ZBTB37: variants seen among roughly 807,000 people sequenced by gnomAD.
ZBTB37 encodes zinc finger and BTB domain-containing protein 37.
In ZBTB37, 15 loss-of-function variants were observed where a neutral mutation model predicts 37.7. The observed-to-expected ratio is 0.40, with a 90% confidence interval of 0.27 to 0.61. ZBTB37 has a LOEUF of 0.61. Ranked by LOEUF, ZBTB37 falls within the 20% of genes least tolerant of loss-of-function variation. The pLI is 0.44. For missense variants in ZBTB37, 514 were observed against 641.9 expected (o/e 0.80, Z 2.15); for synonymous variants, 231 against 220.6 (o/e 1.05, Z -0.42).
chr1:173,880,842 A>G (rs1423918704), intron 4 of ZBTB37, among the ~76,000 whole-genome samples: 1 of 152,110 alleles, frequency 6.6e-6, no homozygotes, highest in East Asian at 1.9e-4. Context: ...ATAATGTGTG[A>G]TGTTTGTGCT....
chr1:173,888,772 T>C (rs537096106), downstream of ZBTB37: 1 of 152,186 alleles, frequency 6.6e-6, no homozygotes, highest in Non-Finnish European at 1.5e-5. Flanking sequence ...TCTTAGATTA[T>C]ATGTGAGAAA....
chr1:173,900,813 G>C (rs1435517280), exon 4 of ZBTB37: 1 of 152,194 alleles, frequency 6.6e-6, no homozygotes, highest in African/African-American at 2.4e-5. Context: ...TTTGCTGAAG[G>C]CTTCCTGTTA....
At chr1:173,878,535 T>TG (rs1414931844) in intron 4 of ZBTB37, among the ~76,000 whole-genome samples, 1 of 152,204 alleles carries the variant, frequency 6.6e-6, no homozygotes, top group Non-Finnish European at 1.5e-5. Context: ...ACCCCAGTGA[T>TG]GGGGTCACCA....
chr1:173,879,815 G>A (rs573745275), intron 4 of ZBTB37, among the ~76,000 whole-genome samples: 1 of 152,262 alleles, frequency 6.6e-6, no homozygotes, highest in East Asian at 1.9e-4. Context: ...GCCAGGCATG[G>A]TGGTGGGCAC....
chr1:173,870,517 G>C, exon 3 of ZBTB37: 2 of 1,614,182 alleles, frequency 1.2e-6, no homozygotes, highest in East Asian at 2.2e-5. Context: ...GCAACTGGCA[G>C]ATATCATCAG....
At chr1:173,891,831 A>G (rs1436631729) in exon 4 of ZBTB37, 1 of 152,214 alleles carries the variant, frequency 6.6e-6, no homozygotes, top group Non-Finnish European at 1.5e-5. Flanking sequence ...GGGACTTTTG[A>G]ATTAGATCTA....
exon 3 of ZBTB37, chr1:173,871,008 T>C: frequency 6.2e-7 from 1 of 1,614,232 alleles, no homozygotes; most frequent in African/African-American, 1.3e-5. Flanking sequence ...ATCAGCCTTC[T>C]GGAGAAGATG....
exon 3 of ZBTB37, chr1:173,870,620 C>G: frequency 6.2e-7 from 1 of 1,614,130 alleles, no homozygotes; most frequent in South Asian, 1.1e-5. Flanking sequence ...ATTAATGTGG[C>G]TGAGGTTGAA....
At chr1:173,886,269 A>G (rs943222815) in exon 5 of ZBTB37, 9 of 1,308,220 alleles carry the variant, frequency 6.9e-6, no homozygotes, top group Non-Finnish European at 8.2e-6. Context: ...CTGGAGGATC[A>G]GCAACTTACA....
exon 4 of ZBTB37, chr1:173,898,545 C>T (rs919488348): frequency 1.3e-5 from 2 of 151,910 alleles, no homozygotes; most frequent in African/African-American, 4.8e-5. Context: ...TGCCAGTCAC[C>T]ACACCTGGCC....
chr1:173,872,675 G>C lies in ZBTB37; in HGVS notation c.924-792G>C, dbSNP rs566082112. 5.3e-5 allele frequency among the ~76,000 whole-genome samples: 8 copies of C among 152,174 alleles called. No individual in the cohort carries two copies. In the East Asian group the frequency reaches 1.5e-3, roughly 29 times the overall value. On this transcript the variant is annotated intron_variant, in intron 3 of 4. Coordinates refer to ENST00000427304, the Ensembl canonical transcript of ZBTB37. ...TGTAACCAGATACCACCTGTTCCAT[G>C]ATAACTTATGGAAATAAAATTTTAA...
intron 2 of ZBTB37, among the ~76,000 whole-genome samples, chr1:173,869,581 T>A (rs1655367370): frequency 6.6e-6 from 1 of 152,230 alleles, no homozygotes; most frequent in South Asian, 2.1e-4. Context: ...GCATCTTGGT[T>A]GAATCCTGGC....
At chr1:173,900,085 TAAAC>T (rs1298425749) in exon 4 of ZBTB37, 2 of 152,184 alleles carry the variant, frequency 1.3e-5, no homozygotes, top group African/African-American at 4.8e-5. Context: ...ATTTGTAAAA[TAAAC>T]AGGTGGCATT....
chr1:173,869,846 T>TA (rs1171877663), intron 2 of ZBTB37, among the ~76,000 whole-genome samples: 3 of 152,244 alleles, frequency 2.0e-5, no homozygotes, highest in African/African-American at 4.8e-5. Context: ...TATGAGATGT[T>TA]ATATTCAGTC....
At chr1:173,869,869 A>G (rs530494637) in intron 2 of ZBTB37, among the ~76,000 whole-genome samples, 4 of 152,352 alleles carry the variant, frequency 2.6e-5, no homozygotes, top group Non-Finnish European at 4.4e-5. Context: ...CAAGTACCTT[A>G]TAGTTAACAC....
exon 4 of ZBTB37, chr1:173,900,860 A>G (rs1657226030): frequency 1.3e-5 from 2 of 152,250 alleles, no homozygotes; most frequent in Admixed American, 1.3e-4. Context: ...TTGAGACTCC[A>G]AAGAGAGTAG....
intron 4 of ZBTB37, among the ~76,000 whole-genome samples, chr1:173,879,070 A>T (rs1656146755): frequency 6.6e-6 from 1 of 151,098 alleles, no homozygotes; most frequent in Admixed American, 6.6e-5. Flanking sequence ...CAGCCCGGGG[A>T]ACAAGAGCAA....
At chr1:173,876,810 G>A (rs191928605) in intron 4 of ZBTB37, among the ~76,000 whole-genome samples, 21 of 152,226 alleles carry the variant, frequency 1.4e-4, no homozygotes, top group African/African-American at 5.1e-4. Context: ...TGCAGAGGAG[G>A]CTGTTGAGCA....
chr1:173,881,554 A>G (rs556954362), intron 4 of ZBTB37, among the ~76,000 whole-genome samples: 1 of 152,186 alleles, frequency 6.6e-6, no homozygotes. Context: ...TGGTTGAACT[A>G]GTTTACAGTC....
Sources: gnomAD v4.1 joint callset for allele counts (sites outside exome capture counted in the v4.1 genomes callset) on GRCh38, gnomAD v4.1.1 for gene constraint, MANE v1.5 for transcripts, NCBI Gene and HGNC (gene_info 2026-07-23, HGNC 2026-07-21) for gene names.